COLEC12: variants seen among roughly 807,000 people sequenced by gnomAD.
COLEC12 encodes collectin subfamily member 12.
Under a neutral mutation model 71.1 loss-of-function variants are expected in COLEC12, and 33 were observed. That is an observed-to-expected ratio of 0.46 (90% CI 0.35 to 0.62). The LOEUF (loss-of-function observed/expected upper bound fraction) is 0.62, where lower values mean the gene tolerates loss of function less well. COLEC12 is among the 20% of genes least tolerant of loss of function. COLEC12 has a pLI of 0.00. For synonymous variants in COLEC12, 350 were observed against 353.0 expected (o/e 0.99, Z 0.10); for missense variants, 765 against 916.1 (o/e 0.84, Z 2.13).
rs1347798829 is a variant in COLEC12, at chr18:399,663, G to A, written c.59-42141C>T. On this transcript the variant is annotated intron_variant, in intron 2 of 9. Coordinates refer to ENST00000400256, the MANE Select transcript of COLEC12 (RefSeq NM_130386.3). The surrounding 1 kb of genome is among the most constrained non-coding windows in gnomAD (Gnocchi z 4.0). Reference sequence around the variant, plus strand: ...ATCTGAGTTAAAATGCAGCCGCTTTGGGGAAGAACCCTACTTTGTGCTGTT... The same window carrying A: ...ATCTGAGTTAAAATGCAGCCGCTTTAGGGAAGAACCCTACTTTGTGCTGTT... 6.6e-6 allele frequency among the ~76,000 whole-genome samples: 1 copy of A among 152,138 alleles called. No individual in the cohort carries two copies. The highest frequency in any genetic ancestry group is 1.5e-5 in the Non-Finnish European group (1 of 68,036).
chr18:325,410 C>T (rs1437152862), intron 8 of COLEC12, among the ~76,000 whole-genome samples: 3 of 151,954 alleles, frequency 2.0e-5, no homozygotes, highest in Non-Finnish European at 4.4e-5. Flanking sequence ...AAGACTGTCA[C>T]ATCTCTGGTG....
intron 1 of COLEC12, among the ~76,000 whole-genome samples, chr18:491,444 G>A (rs564649815): frequency 1.3e-5 from 2 of 152,268 alleles, no homozygotes; most frequent in South Asian, 2.1e-4. Flanking sequence ...CCTATAAGCT[G>A]GAACCAATGA....
intron 1 of COLEC12, among the ~76,000 whole-genome samples, chr18:493,649 G>C (rs544329013): frequency 6.6e-6 from 1 of 152,144 alleles, no homozygotes; most frequent in East Asian, 1.9e-4. Flanking sequence ...CATTTTATTT[G>C]GCATTTCTAG....
chr18:371,941 C>T (rs544691755), intron 2 of COLEC12, among the ~76,000 whole-genome samples: 9 of 152,292 alleles, frequency 5.9e-5, no homozygotes, highest in African/African-American at 1.7e-4. Flanking sequence ...AGGGCAGAAT[C>T]GATCAAGTAC....
In COLEC12 at chr18:350,121, C is replaced by T. The variant is rs993229726; in HGVS notation, c.182-1958G>A. Among the ~76,000 whole-genome samples the T allele has an allele frequency of 7.2e-5, 11 of 152,314 alleles. 1 individual carries two copies. The highest frequency in any genetic ancestry group is 1.9e-4 in the East Asian group (1 of 5,186). On this transcript the variant is annotated intron_variant, in intron 3 of 9. Transcript: ENST00000400256. ...GAATGATACAGTTTGGCTGTATTCTCGCCCAAATCTCATCTTGAATTATAT... is the reference window on the plus strand; with the variant it reads ...GAATGATACAGTTTGGCTGTATTCTTGCCCAAATCTCATCTTGAATTATAT...
chr18:333,420 C>A, intron 6 of COLEC12: 1 of 282,040 alleles, frequency 3.5e-6, no homozygotes, highest in Non-Finnish European at 6.6e-6. Flanking sequence ...ACAGAAATAA[C>A]AGAAGCAACA....
At position 500,465 on chromosome 18, in the gene COLEC12, C is replaced by A; in HGVS notation, c.7+43G>T. 8.2e-7 allele frequency: 1 copy of A among 1,220,686 alleles called. No homozygotes were observed. The highest frequency in any genetic ancestry group is 1.0e-6 in the Non-Finnish European group (1 of 979,576). The allele number at this position is 1,220,686 out of a possible 1,614,324, so 75.6% of individuals were successfully genotyped here. ...GTGGCCTCCCGCGCGCCCCGAAGCC[C>A]GTTCCCCCCGCCCAGAGCCCCGCGG... On this transcript the variant is annotated intron_variant, in intron 1 of 9. Transcript: ENST00000400256. This position sits in a 1 kb window ranked among gnomAD's most constrained non-coding sequence, Gnocchi z 5.3.
intron 2 of COLEC12, among the ~76,000 whole-genome samples, chr18:441,247 C>CA (rs1212987466): frequency 4.0e-5 from 6 of 151,362 alleles, no homozygotes; most frequent in Non-Finnish European, 8.8e-5. Flanking sequence ...GACTCTGTCT[C>CA]AAAAAATAAA....
chr18:344,597 C>T (rs1288993363), intron 5 of COLEC12, among the ~76,000 whole-genome samples: 1 of 152,212 alleles, frequency 6.6e-6, no homozygotes, highest in African/African-American at 2.4e-5. Context: ...TCAGATGTTA[C>T]TTCCCTTTTT....
intron 2 of COLEC12, among the ~76,000 whole-genome samples, chr18:400,748 C>T (rs1174368987): frequency 6.6e-6 from 1 of 152,120 alleles, no homozygotes; most frequent in African/African-American, 2.4e-5. Flanking sequence ...ACATGGCTGT[C>T]GGTTATGCAA....
chr18:388,724 T>C (rs1046221762), intron 2 of COLEC12, among the ~76,000 whole-genome samples: 1 of 152,212 alleles, frequency 6.6e-6, no homozygotes, highest in African/African-American at 2.4e-5. Flanking sequence ...AGTCATTTCA[T>C]GAGCTACCTG....
chr18:343,174 TCTTGGCTGCCC>T (rs553793662), intron 5 of COLEC12, among the ~76,000 whole-genome samples: 137 of 152,314 alleles, frequency 9.0e-4, no homozygotes, highest in African/African-American at 2.9e-3. Context: ...CACAAGTGCC[TCTTGGCTGCCC>T]CTTTGCTTCT....
chr18:431,115 C>G (rs1916293657), intron 2 of COLEC12, among the ~76,000 whole-genome samples: 1 of 143,700 alleles, frequency 7.0e-6, no homozygotes, highest in African/African-American at 2.6e-5. Context: ...ACCTCAGCCT[C>G]TCAAGTAGCT....
At chr18:385,048 G>A (rs548833739) in intron 2 of COLEC12, among the ~76,000 whole-genome samples, 260 of 152,338 alleles carry the variant, frequency 1.7e-3, no homozygotes, top group African/African-American at 5.4e-3. Flanking sequence ...GAACTCTGGA[G>A]GAGACCCCTG....
chr18:499,477 C>T (rs1917777146), intron 1 of COLEC12, among the ~76,000 whole-genome samples: 1 of 152,224 alleles, frequency 6.6e-6, no homozygotes, highest in South Asian at 2.1e-4. Context: ...GCGCCTCCCT[C>T]GGACGGCAAC....
chr18:393,543 T>C (rs1747941566), intron 2 of COLEC12, among the ~76,000 whole-genome samples: 1 of 152,196 alleles, frequency 6.6e-6, no homozygotes, highest in South Asian at 2.1e-4. Flanking sequence ...TATGATCCCA[T>C]CACACCGACC....
intron 2 of COLEC12, among the ~76,000 whole-genome samples, chr18:378,134 C>T (rs569402286): frequency 6.6e-6 from 1 of 152,284 alleles, no homozygotes; most frequent in South Asian, 2.1e-4. Flanking sequence ...CTCAGTCCTG[C>T]CTGTGCCCCA....
chr18:476,975 A>G (rs1308986773), intron 2 of COLEC12, among the ~76,000 whole-genome samples: 2 of 152,162 alleles, frequency 1.3e-5, no homozygotes, highest in East Asian at 1.9e-4. Flanking sequence ...TTGTCAGAGG[A>G]GCAAAGAAGT....
intron 2 of COLEC12, among the ~76,000 whole-genome samples, chr18:461,274 A>G (rs1191204181): frequency 7.2e-6 from 1 of 139,264 alleles, no homozygotes. Flanking sequence ...AACAGGTGAA[A>G]TGATTTTTAA....
Sources: gnomAD v4.1 joint callset for allele counts (sites outside exome capture counted in the v4.1 genomes callset) on GRCh38, gnomAD v4.1.1 for gene constraint, Gnocchi (gnomAD v3.1) non-coding constraint, MANE v1.5 for transcripts, NCBI Gene and HGNC (gene_info 2026-07-23, HGNC 2026-07-21) for gene names.